The following VWA3B variants were observed in gnomAD, a reference collection of about 807,000 sequenced individuals.
The protein encoded by VWA3B is von Willebrand factor A domain-containing protein 3B.
A neutral mutation model predicts 158.3 loss-of-function variants in VWA3B; 138 were observed. The ratio of observed to expected loss-of-function variants is 0.87; its 90% CI spans 0.76 to 1.00. The LOEUF (loss-of-function observed/expected upper bound fraction) is 1.00. Ranked by LOEUF, VWA3B falls within the 50% of genes least tolerant of loss-of-function variation. VWA3B has a pLI of 0.00. For synonymous variants in VWA3B, 596 were observed against 587.3 expected (o/e 1.01, Z -0.21); for missense variants, 1,555 against 1,565.1 (o/e 0.99, Z 0.11).
At chr2:98,234,569 C>G in intron 16 of VWA3B, 79 bp from the exon 17 acceptor site, 1 of 1,581,260 alleles carries the variant, frequency 6.3e-7, no homozygotes. Flanking sequence ...CTTTAAGGAG[C>G]TGATAAAATA....
At chr2:98,175,758 A>T (rs1679961315) in intron 8 of VWA3B, among the ~76,000 whole-genome samples, 1 of 152,174 alleles carries the variant, frequency 6.6e-6, no homozygotes, top group African/African-American at 2.4e-5. Flanking sequence ...CCACACCTAG[A>T]CACATTATAA....
At chr2:98,191,985 G>A (rs1344659066) in intron 10 of VWA3B, among the ~76,000 whole-genome samples, 1 of 152,172 alleles carries the variant, frequency 6.6e-6, no homozygotes, top group Non-Finnish European at 1.5e-5. Flanking sequence ...ATCCTGTGAT[G>A]GGAACCTGAT....
intron 22 of VWA3B, among the ~76,000 whole-genome samples, chr2:98,280,578 G>A (rs967929670): frequency 6.6e-6 from 1 of 152,228 alleles, no homozygotes; most frequent in African/African-American, 2.4e-5. Context: ...AGCGCTACCA[G>A]CTGGGATGAG....
At chr2:98,313,382 C>G (rs1691016520), downstream of VWA3B, 1 of 152,062 alleles carries the variant, frequency 6.6e-6, no homozygotes, top group African/African-American at 2.4e-5. Flanking sequence ...TGAAACAAGG[C>G]AAGGAACAGT....
intron 10 of VWA3B, among the ~76,000 whole-genome samples, chr2:98,190,498 A>G (rs1447379175): frequency 3.3e-5 from 5 of 152,114 alleles, no homozygotes; most frequent in Admixed American, 3.3e-4. Context: ...TCCATTTGGT[A>G]TCATTTTTTT....
intron 19 of VWA3B, among the ~76,000 whole-genome samples, chr2:98,248,095 TA>T (rs1686515166): frequency 6.6e-6 from 1 of 152,136 alleles, no homozygotes; most frequent in Non-Finnish European, 1.5e-5. Flanking sequence ...TCTTCCAAGA[TA>T]AATTTTTTTC....
chr2:98,324,022 T>G, the VWA3B span, among the ~76,000 whole-genome samples: 4 of 152,298 alleles, frequency 2.6e-5, no homozygotes, highest in South Asian at 8.3e-4. Context: ...GAATGAAGAC[T>G]TACAGTCTTT....
At chr2:98,205,947 T>C (rs911372277) in intron 12 of VWA3B, among the ~76,000 whole-genome samples, 2 of 152,250 alleles carry the variant, frequency 1.3e-5, no homozygotes, top group African/African-American at 4.8e-5. Context: ...ACTCAAGATA[T>C]GGTCTATTTA....
chr2:98,255,875 CAG>C (rs1179706149), intron 20 of VWA3B, among the ~76,000 whole-genome samples: 1 of 152,236 alleles, frequency 6.6e-6, no homozygotes, highest in Non-Finnish European at 1.5e-5. Context: ...TGCCTTTACT[CAG>C]TCTGAGTTTT....
At chr2:98,108,206 C>G (rs911771294) in intron 2 of VWA3B, among the ~76,000 whole-genome samples, 7 of 151,904 alleles carry the variant, frequency 4.6e-5, no homozygotes, top group African/African-American at 1.5e-4. Context: ...CTAGTTTGTT[C>G]CCATCTTGGA....
At chr2:98,268,591 T>A (rs931576024) in intron 21 of VWA3B, among the ~76,000 whole-genome samples, 1 of 152,120 alleles carries the variant, frequency 6.6e-6, no homozygotes, top group Admixed American at 6.5e-5. Flanking sequence ...TGAGTTGTAT[T>A]TGTTGTCTCT....
intron 21 of VWA3B, among the ~76,000 whole-genome samples, chr2:98,260,063 G>A (rs749722713): frequency 3.3e-5 from 5 of 151,462 alleles, no homozygotes; most frequent in Non-Finnish European, 7.4e-5. Flanking sequence ...TGTTGCTCTA[G>A]CTTTATTCCA....
At chr2:98,244,284 A>T (rs1686253791) in intron 19 of VWA3B, among the ~76,000 whole-genome samples, 2 of 152,174 alleles carry the variant, frequency 1.3e-5, no homozygotes, top group Non-Finnish European at 1.5e-5. Context: ...ATTTTGAAGA[A>T]TCCTCATTTT....
rs773468553 is a variant in VWA3B, at chr2:98,234,682, G to A, written c.2343G>A (p.Met781Ile). ...STKTSLLRSQ[M>I]SSLRSSACSE... is the part of the protein sequence containing the mutation. ...AAACCAGCCTGCTCAGAAGCCAGATGTCCTCCCTCAGGAGCTCAGCTTGCA... is the reference window on the plus strand; with the variant it reads ...AAACCAGCCTGCTCAGAAGCCAGATATCCTCCCTCAGGAGCTCAGCTTGCA... Residue 781 changes from methionine (M) to isoleucine (I), a missense_variant, in exon 17 of 28, where the codon ATG becomes ATA. By Grantham distance (10) the Met-to-Ile change is conservative. Transcript: ENST00000477737. The A allele has an allele frequency of 1.5e-5, 24 of 1,614,048 alleles. No homozygotes were observed. Among genetic ancestry groups the A allele is most frequent in the Non-Finnish European group, 2.0e-5 (24 of 1,180,030 alleles).
chr2:98,190,996 T>C (rs1295111549), intron 10 of VWA3B, among the ~76,000 whole-genome samples: 1 of 152,174 alleles, frequency 6.6e-6, no homozygotes, highest in Non-Finnish European at 1.5e-5. Context: ...CTCCTTGATA[T>C]TGTTCCATGG....
rs1304021243 is a variant in VWA3B, at chr2:98,236,609, CCTATGGCTTGGT to C, written c.2554_2565del (p.Tyr852_Val855del). 6.2e-7 allele frequency: 1 copy of C among 1,614,178 alleles called. No homozygotes were observed. Among genetic ancestry groups the C allele is most frequent in the South Asian group, 1.1e-5 (1 of 91,080 alleles). ...GTGTCTTCAGAAAACTGGCTGAAGA[CCTATGGCTTGGT>C]CGCCAAGAAACTCACCCTCATGGAT... is the stretch of plus-strand genomic sequence containing the variant. On this transcript the variant is annotated inframe_deletion, in exon 19 of 28. Coordinates refer to ENST00000477737, the MANE Select transcript of VWA3B (RefSeq NM_144992.5).
chr2:98,196,472 A>T (rs1193387801), intron 12 of VWA3B, among the ~76,000 whole-genome samples: 1 of 152,252 alleles, frequency 6.6e-6, no homozygotes, highest in Non-Finnish European at 1.5e-5. Context: ...TTGGTCCAGT[A>T]GTCAACCCGG....
rs1207566568 is a variant in VWA3B, at chr2:98,178,928, C to G, written c.1115-2088C>G. On this transcript the variant is annotated intron_variant, in intron 8 of 27. Coordinates refer to ENST00000477737, the MANE Select transcript of VWA3B (RefSeq NM_144992.5). ...AAAAAACATTTCCCTGCCAGGAACC[C>G]CTTCTGCGTCTTCGTAGGGCTCCCG... is the stretch of plus-strand genomic sequence containing the variant. 6.6e-5 allele frequency among the ~76,000 whole-genome samples: 10 copies of G among 152,198 alleles called. 1 individual carries two copies. The highest frequency in any genetic ancestry group is 6.5e-4 in the Admixed American group (10 of 15,290).
In VWA3B at chr2:98,109,953, A is replaced by G. The variant is rs995276129; in HGVS notation, c.197-5699A>G. ...TTTTGTTTTCAGATGTTTGAGTATG[A>G]TGTGCCTTGGTGTGAATTTATTTGC... On this transcript the variant is annotated intron_variant, in intron 2 of 27. Coordinates refer to ENST00000477737, the MANE Select transcript of VWA3B (RefSeq NM_144992.5). Among the ~76,000 whole-genome samples the G allele has an allele frequency of 2.6e-5, 4 of 151,932 alleles. No homozygotes were observed. In the East Asian group the frequency reaches 7.7e-4, roughly 29 times the overall value.
Sources: gnomAD v4.1 joint callset for allele counts (sites outside exome capture counted in the v4.1 genomes callset) on GRCh38, gnomAD v4.1.1 for gene constraint, MANE v1.5 for transcripts, NCBI Gene and HGNC (gene_info 2026-07-23, HGNC 2026-07-21) for gene names.